The following ADNP variants were observed in gnomAD, a reference collection of about 807,000 sequenced individuals.
The protein encoded by ADNP is activity-dependent neuroprotector homeobox protein.
ADNP carries 4 observed loss-of-function variants against 84.9 expected under a neutral mutation model. The ratio of observed to expected loss-of-function variants is 0.05; its 90% CI spans 0.02 to 0.11. The LOEUF is 0.11. ADNP is among the 10% of genes least tolerant of loss of function. The probability of loss-of-function intolerance (pLI) is 1.00; values close to 1 mark genes in which losing one functional copy is unlikely to be tolerated. For missense variants in ADNP, 1,132 were observed against 1,326.0 expected (o/e 0.85, Z 2.27); for synonymous variants, 554 against 468.1 (o/e 1.18, Z -2.37).
In ADNP at chr20:50,890,926, A is replaced by C; in HGVS notation, c.*479T>G. ...TAACAGGATCATGAGCATCACTTGA[A>C]TAGGTCTAAAAGACTGTACAAATAT... On this transcript the variant is annotated 3_prime_UTR_variant, in exon 6 of 6. Transcript: ENST00000621696. 1 of 986,128 alleles carries C rather than the reference A, an allele frequency of 1.0e-6. No homozygotes were observed. The highest frequency in any genetic ancestry group is 1.2e-6 in the Non-Finnish European group (1 of 830,398). 61.1% of individuals were successfully genotyped at this position (986,128 alleles called of 1,614,324 possible).
At position 50,928,678 on chromosome 20, in the gene ADNP, G is replaced by C. The variant is rs1984445239; in HGVS notation, c.-117C>G. On this transcript the variant is annotated 5_prime_UTR_variant, in exon 2 of 6. Coordinates refer to ENST00000621696, the MANE Select transcript of ADNP (RefSeq NM_001282531.3). ...GTGTGAATTGACAATGTGGTCCAAA[G>C]AGCAAGGCAGGAAACGGAGTCCAGA... The C allele has an allele frequency of 6.6e-6, 1 of 152,248 alleles. No individual in the cohort carries two copies. The highest frequency in any genetic ancestry group is 1.5e-5 in the Non-Finnish European group (1 of 68,076). The allele number at this position is 152,248 out of a possible 1,614,324, so 9.4% of individuals were successfully genotyped here. A position where few individuals can be genotyped will look rare whatever the true frequency, so the allele number is the denominator to read the frequency against.
rs767580124 is a variant in ADNP at position 50,894,307 on chromosome 20, G to C, written c.407C>G (p.Pro136Arg). The C allele has an allele frequency of 3.1e-6, 5 of 1,613,526 alleles. No individual in the cohort carries two copies. The highest frequency in any genetic ancestry group is 4.2e-6 in the Non-Finnish European group (5 of 1,179,876). ...KIFHAPNASA[P>R]SSSLSTFKDK... ...TTTGAAAGTGCTGAGGCTGCTACTT[G>C]GTGCGCTGGCGTTCGGAGCATGAAA... Residue 136 changes from proline to arginine, a missense_variant, in exon 6 of 6, where the codon CCA (proline) becomes CGA (arginine). By Grantham distance (103) the Pro-to-Arg change is moderately radical. Transcript: ENST00000621696.
Position 50,893,622 on chromosome 20 carries a change from C to T in ADNP, c.1092G>A (p.Gln364=). The T allele has an allele frequency of 6.2e-7, 1 of 1,614,174 alleles. No individual in the cohort carries two copies. Among genetic ancestry groups the T allele is most frequent in the Non-Finnish European group, 8.5e-7 (1 of 1,180,036 alleles). The change falls in exon 6 of 6, where the codon CAG becomes CAA. Residue 364 remains glutamine (Q), a synonymous_variant. Coordinates refer to ENST00000621696, the MANE Select transcript of ADNP (RefSeq NM_001282531.3). The surrounding 1 kb of genome is among the most constrained non-coding windows in gnomAD (Gnocchi z 4.4). The stretch of plus-strand genomic sequence containing the variant: ...CACTTGGAAGTAACTGCTTTACAGA[C>T]TGAGATTGTTGAGGAATGGAAACTG... ...NAPVSIPQQS[Q]SVKQLLPSGN...
At chr20:50,924,468 A>ATT (rs1984159434) in intron 2 of ADNP, among the ~76,000 whole-genome samples, 4 of 152,144 alleles carry the variant, frequency 2.6e-5, no homozygotes, top group African/African-American at 7.2e-5. Flanking sequence ...GAGCACCATA[A>ATT]AGGCCTGTGT....
chr20:50,913,288 AGG>A (rs1983227411), intron 2 of ADNP, among the ~76,000 whole-genome samples: 1 of 137,280 alleles, frequency 7.3e-6, no homozygotes, highest in Non-Finnish European at 1.5e-5. Flanking sequence ...AAAAAAAAAA[AGG>A]TATCTGTATT....
intron 2 of ADNP, among the ~76,000 whole-genome samples, chr20:50,906,166 C>T (rs751596534): frequency 8.5e-5 from 13 of 152,164 alleles, no homozygotes; most frequent in Non-Finnish European, 1.5e-4. Flanking sequence ...GAGCCAAGAT[C>T]GCACCACTGC....
At chr20:50,913,823 G>C in intron 2 of ADNP, 1 of 505,404 alleles carries the variant, frequency 2.0e-6, no homozygotes, top group Non-Finnish European at 3.7e-6. Context: ...ATAAACCCCT[G>C]GCTATGAGAA....
intron 2 of ADNP, among the ~76,000 whole-genome samples, chr20:50,915,795 G>C (rs894795950): frequency 6.6e-6 from 1 of 152,180 alleles, no homozygotes; most frequent in Non-Finnish European, 1.5e-5. Context: ...TAAAAAGGGG[G>C]GTGAGGGAAT....
chr20:50,892,060 T>C lies in ADNP; in HGVS notation c.2654A>G (p.Glu885Gly). 1.2e-6 allele frequency: 2 copies of C among 1,614,156 alleles called. No individual in the cohort carries two copies. Among genetic ancestry groups the C allele is most frequent in the East Asian group, 2.2e-5 (1 of 44,872 alleles). The change falls in exon 6 of 6, where the codon GAA becomes GGA. Residue 885 changes from glutamate to glycine, a missense_variant. Glu to Gly is a moderately conservative substitution (Grantham distance 98, BLOSUM62 -2). This residue lies in a region of ADNP where 381 missense variants were observed against 319.9 expected (regional missense o/e 1.19). Coordinates refer to ENST00000621696, the MANE Select transcript of ADNP (RefSeq NM_001282531.3). Reference sequence around the variant, plus strand: ...AAAAGGGCTACCACTTTCATTGGATTCTTCTTCCAAATTTTCAAAACTGTC... The same window carrying C: ...AAAAGGGCTACCACTTTCATTGGATCCTTCTTCCAAATTTTCAAAACTGTC... ...SSDSFENLEE[E>G]SNESGSPFDP...
In ADNP at chr20:50,892,288, T is replaced by G. The variant is rs1980858673; in HGVS notation, c.2426A>C (p.Lys809Thr). 1 of 1,614,184 alleles carries G rather than the reference T, an allele frequency of 6.2e-7. No homozygotes were observed. The highest frequency in any genetic ancestry group is 8.5e-7 in the Non-Finnish European group (1 of 1,180,032). Residue 809 changes from lysine (K) to threonine (T), a missense_variant, in exon 6 of 6, where the codon AAG (lysine) becomes ACG (threonine). Lys to Thr is a moderately conservative substitution (Grantham distance 78). Around this residue, in one of 10 missense-constraint regions of ADNP, gnomAD observed 41 missense variants for 78.4 expected, o/e 0.52. Transcript: ENST00000621696. ...CTTTTCACAATCACGGACACACTTC[T>G]TCCTTTTGTTACTAAAATGGGAAGC... The part of the protein sequence containing the change: ...DIASHFSNKR[K>T]KCVRDCEKYK...
rs756123024 is a variant in ADNP, at chr20:50,893,216, T to C, written c.1498A>G (p.Thr500Ala). The change falls in exon 6 of 6, where the codon ACA becomes GCA. Residue 500 changes from threonine (T) to alanine (A), a missense_variant. Thr to Ala is a moderately conservative substitution (Grantham distance 58). Transcript: ENST00000621696. The surrounding 1 kb of genome is among the most constrained non-coding windows in gnomAD (Gnocchi z 4.4). ...KCLYCNRYLP[T>A]DTLLNHMLIH... ...AACATATGGTTGAGCAGAGTATCTGTGGGTAAATAGCGATTACAGTAGAGG... is the reference window on the plus strand; with the variant it reads ...AACATATGGTTGAGCAGAGTATCTGCGGGTAAATAGCGATTACAGTAGAGG... The C allele has an allele frequency of 6.2e-7, 1 of 1,614,254 alleles. No homozygotes were observed. The highest frequency in any genetic ancestry group is 8.5e-7 in the Non-Finnish European group (1 of 1,180,042).
At chr20:50,910,906 G>A (rs1486510437) in intron 2 of ADNP, among the ~76,000 whole-genome samples, 3 of 152,070 alleles carry the variant, frequency 2.0e-5, no homozygotes, top group Non-Finnish European at 4.4e-5. Flanking sequence ...TTCCCACCTC[G>A]GCCCCGCAAA....
At chr20:50,918,779 G>A (rs529210423) in intron 2 of ADNP, among the ~76,000 whole-genome samples, 1 of 152,294 alleles carries the variant, frequency 6.6e-6, no homozygotes, top group Non-Finnish European at 1.5e-5. Flanking sequence ...AAGAGGAGAG[G>A]TCCTGGGAAA....
At chr20:50,923,258 CTAA>C (rs1439174598) in intron 2 of ADNP, among the ~76,000 whole-genome samples, 28 of 152,324 alleles carry the variant, frequency 1.8e-4, no homozygotes, top group African/African-American at 5.5e-4. Flanking sequence ...TTTTGATCCC[CTAA>C]TAATACATTT....
intron 2 of ADNP, among the ~76,000 whole-genome samples, chr20:50,928,353 T>C (rs1468287380): frequency 6.6e-6 from 1 of 152,214 alleles, no homozygotes; most frequent in Non-Finnish European, 1.5e-5. Context: ...TTAGCAACTC[T>C]AGAGATTGGG....
chr20:50,912,873 C>T (rs902031240), intron 2 of ADNP, among the ~76,000 whole-genome samples: 1 of 152,074 alleles, frequency 6.6e-6, no homozygotes, highest in African/African-American at 2.4e-5. Context: ...CACAGTCTCT[C>T]TGGGATTATC....
intron 5 of ADNP, among the ~76,000 whole-genome samples, chr20:50,901,608 C>T (rs189886216): frequency 6.6e-6 from 1 of 152,198 alleles, no homozygotes; most frequent in Non-Finnish European, 1.5e-5. Flanking sequence ...AGTCACTTCC[C>T]CAGGCCTCCC....
intron 2 of ADNP, chr20:50,914,555 T>G (rs762031793): frequency 4.0e-5 from 9 of 225,862 alleles, no homozygotes; most frequent in Non-Finnish European, 5.4e-5. Context: ...GTTCTTATTC[T>G]AAACTTACGG....
chr20:50,919,855 A>G (rs1232525977), intron 2 of ADNP, among the ~76,000 whole-genome samples: 1 of 152,192 alleles, frequency 6.6e-6, no homozygotes, highest in East Asian at 1.9e-4. Context: ...ACATGATTGG[A>G]AAGGCAGGGT....
Sources: gnomAD v4.1 joint callset for allele counts (sites outside exome capture counted in the v4.1 genomes callset) on GRCh38, gnomAD v4.1.1 for gene constraint, gnomAD v4.1.1 regional missense constraint, Gnocchi (gnomAD v3.1) non-coding constraint, MANE v1.5 for transcripts, NCBI Gene and HGNC (gene_info 2026-07-23, HGNC 2026-07-21) for gene names.